Variants in PCCA observed in about 807,000 individuals in gnomAD.
The protein encoded by PCCA is propionyl-CoA carboxylase alpha chain, mitochondrial.
In PCCA, 74 loss-of-function variants were observed where a neutral mutation model predicts 101.3. The observed-to-expected ratio is 0.73, with a 90% CI of 0.61 to 0.89. The LOEUF is 0.89. Among genes scored for constraint, PCCA ranks in the 40% least tolerant of loss-of-function variants. The pLI, the probability that PCCA is intolerant of heterozygous loss-of-function variation, is 0.00. For missense variants in PCCA, 891 were observed against 907.0 expected (o/e 0.98, Z 0.23); for synonymous variants, 294 against 313.6 (o/e 0.94, Z 0.66).
At chr13:100,319,535 G>GT (rs2067767820) in intron 16 of PCCA, among the ~76,000 whole-genome samples, 1 of 152,180 alleles carries the variant, frequency 6.6e-6, no homozygotes, top group African/African-American at 2.4e-5. Flanking sequence ...AAGGGATCCA[G>GT]TTTCAGCTTT....
At chr13:100,152,831 A>G (rs1338767320) in intron 4 of PCCA, among the ~76,000 whole-genome samples, 1 of 152,158 alleles carries the variant, frequency 6.6e-6, no homozygotes, top group Non-Finnish European at 1.5e-5. Context: ...GGTGAAAATT[A>G]TATATGCGGT....
intron 7 of PCCA, among the ~76,000 whole-genome samples, chr13:100,232,227 C>T (rs2152515577): frequency 6.6e-6 from 1 of 152,246 alleles, no homozygotes; most frequent in South Asian, 2.1e-4. Context: ...GCCTGATATT[C>T]TTTCCCTATG....
chr13:100,353,282 A>T (rs944026633), intron 18 of PCCA, among the ~76,000 whole-genome samples: 1 of 152,204 alleles, frequency 6.6e-6, no homozygotes, highest in African/African-American at 2.4e-5. Flanking sequence ...TCTAACAGAC[A>T]TCTCTAGAAT....
At chr13:100,387,100 T>TGTAA (rs1343132712) in intron 19 of PCCA, among the ~76,000 whole-genome samples, 1 of 152,044 alleles carries the variant, frequency 6.6e-6, no homozygotes, top group Non-Finnish European at 1.5e-5. Flanking sequence ...GTCCCACAGG[T>TGTAA]GTAAGTACAC....
At chr13:100,432,575 A>T (rs1226114545) in intron 20 of PCCA, among the ~76,000 whole-genome samples, 1 of 152,212 alleles carries the variant, frequency 6.6e-6, no homozygotes, top group Non-Finnish European at 1.5e-5. Flanking sequence ...TGAAGAATCT[A>T]TGCTTTTCAG....
chr13:100,515,119 A>G (rs1357298065), intron 21 of PCCA, among the ~76,000 whole-genome samples: 1 of 152,228 alleles, frequency 6.6e-6, no homozygotes, highest in Non-Finnish European at 1.5e-5. Context: ...TGGTGAAGGG[A>G]ATACAAGTAA....
chr13:100,353,112 A>G (rs2152782386), intron 18 of PCCA, among the ~76,000 whole-genome samples: 1 of 152,370 alleles, frequency 6.6e-6, no homozygotes, highest in East Asian at 1.9e-4. Context: ...ATAAACATAT[A>G]TGTACCTAAT....
At chr13:100,393,530 T>G (rs1223838123) in intron 19 of PCCA, among the ~76,000 whole-genome samples, 2 of 149,716 alleles carry the variant, frequency 1.3e-5, no homozygotes. Flanking sequence ...GCGATTCTCC[T>G]GCCTCAGCCT....
intron 19 of PCCA, among the ~76,000 whole-genome samples, chr13:100,403,675 CACAG>C (rs1458216088): frequency 6.6e-6 from 1 of 151,984 alleles, no homozygotes. Context: ...AATTCAGGCC[CACAG>C]ACAATTTGAA....
chr13:100,145,578 TA>T (rs1393669960), intron 4 of PCCA, among the ~76,000 whole-genome samples: 1 of 152,090 alleles, frequency 6.6e-6, no homozygotes, highest in Non-Finnish European at 1.5e-5. Context: ...TGTTTAGGTA[TA>T]ACGGTAGGGC....
Position 100,330,683 on chromosome 13 carries a change from T to TTAAAACAC in PCCA, c.1540+17_1540+18insCACTAAAA. 2 of 1,388,080 alleles carry TTAAAACAC rather than the reference T, an allele frequency of 1.4e-6. No homozygotes were observed. The highest frequency in any genetic ancestry group is 2.1e-6 in the Non-Finnish European group (2 of 974,062). The allele number at this position is 1,388,080 out of a possible 1,614,324, so 86.0% of individuals were successfully genotyped here. A position where few individuals can be genotyped will look rare whatever the true frequency, so the allele number is the denominator to read the frequency against. ...TGATGGCTTCAAAGGTTTGTATGCA[T>TTAAAACAC]TAAAATATTTTAGTGTTTTAAAGTT... On this transcript the variant is annotated intron_variant, in intron 17 of 23. Transcript: ENST00000376285.
intron 12 of PCCA, among the ~76,000 whole-genome samples, chr13:100,277,567 G>A (rs2063754710): frequency 6.6e-6 from 1 of 152,066 alleles, no homozygotes; most frequent in South Asian, 2.1e-4. Flanking sequence ...GATTAAATAA[G>A]TTTGTGTCCT....
At position 100,301,569 on chromosome 13, in the gene PCCA, A is replaced by G. The variant is rs202015762; in HGVS notation, c.1175A>G (p.Asn392Ser). Residue 392 changes from asparagine (N) to serine (S), a missense_variant, in exon 13 of 24, where the codon AAC becomes AGC. Physicochemically the swap from Asn to Ser is conservative, Grantham distance 46. Transcript: ENST00000376285. The stretch of plus-strand genomic sequence containing the variant: ...CACAAACAAGCTGATATTCGCATCA[A>G]CGGCTGGGCAGTTGAATGTCGGGTT... Reference protein sequence around the residue: ...LRHKQADIRINGWAVECRVYA... With the variant: ...LRHKQADIRISGWAVECRVYA... 3.1e-6 allele frequency: 5 copies of G among 1,614,120 alleles called. No individual in the cohort carries two copies. The highest frequency in any genetic ancestry group is 1.3e-5 in the African/African-American group (1 of 75,044).
chr13:100,409,042 C>G (rs1302660501), intron 19 of PCCA, among the ~76,000 whole-genome samples: 1 of 152,142 alleles, frequency 6.6e-6, no homozygotes, highest in Non-Finnish European at 1.5e-5. Context: ...CAGAAAATGC[C>G]AGCCAGCCAC....
intron 21 of PCCA, among the ~76,000 whole-genome samples, chr13:100,474,444 C>G (rs1409907828): frequency 1.5e-5 from 1 of 65,778 alleles, no homozygotes; most frequent in Non-Finnish European, 3.3e-5. Context: ...TACTGTTTCT[C>G]TCTCTCTCTC....
chr13:100,507,042 A>G (rs2086136525), intron 21 of PCCA, among the ~76,000 whole-genome samples: 1 of 152,216 alleles, frequency 6.6e-6, no homozygotes, highest in African/African-American at 2.4e-5. Context: ...AACAGCCTGT[A>G]CTGTTAACAG....
At chr13:100,330,432 C>G (rs2069377013) in intron 16 of PCCA, 129 bp from the exon 17 acceptor site, 1 of 660,490 alleles carries the variant, frequency 1.5e-6, no homozygotes, top group Non-Finnish European at 2.7e-6. Flanking sequence ...TAATAGAATT[C>G]AAGGAAATAA....
chr13:100,342,986 C>T (rs550372447), intron 18 of PCCA, among the ~76,000 whole-genome samples: 8 of 152,236 alleles, frequency 5.3e-5, no homozygotes, highest in African/African-American at 1.9e-4. Flanking sequence ...CTTGGCCTCC[C>T]AAAGTGCTGG....
intron 4 of PCCA, among the ~76,000 whole-genome samples, chr13:100,115,732 G>T (rs568156440): frequency 5.5e-4 from 84 of 152,252 alleles, no homozygotes; most frequent in Non-Finnish European, 7.1e-4. Context: ...CAAAAGAATT[G>T]TTGTTAGGTT....
Sources: gnomAD v4.1 joint callset for allele counts (sites outside exome capture counted in the v4.1 genomes callset) on GRCh38, gnomAD v4.1.1 for gene constraint, MANE v1.5 for transcripts, NCBI Gene and HGNC (gene_info 2026-07-23, HGNC 2026-07-21) for gene names.